Variants in CNTN5 observed in about 807,000 individuals in gnomAD.
CNTN5 encodes contactin 5.
A neutral mutation model predicts 129.1 loss-of-function variants in CNTN5; 77 were observed. The observed-to-expected ratio is 0.60, with a 90% CI of 0.50 to 0.72. The LOEUF is 0.72. Ranked by LOEUF, CNTN5 falls within the 30% of genes least tolerant of loss-of-function variation. CNTN5 has a pLI of 0.00. For missense variants in CNTN5, 1,478 were observed against 1,328.8 expected (o/e 1.11, Z -1.75); for synonymous variants, 509 against 465.6 (o/e 1.09, Z -1.20).
chr11:100,077,181 T>A (rs1483105182), intron 13 of CNTN5, among the ~76,000 whole-genome samples: 2 of 152,190 alleles, frequency 1.3e-5, no homozygotes, highest in Non-Finnish European at 2.9e-5. Context: ...AATATAAATT[T>A]AAATGGAAAC....
chr11:100,285,307 C>A (rs1044226567), intron 18 of CNTN5, among the ~76,000 whole-genome samples: 3 of 152,188 alleles, frequency 2.0e-5, no homozygotes, highest in Non-Finnish European at 4.4e-5. Context: ...CTGCAGTCAA[C>A]TTCCCAAGAT....
chr11:99,455,904 C>G (rs947839595), intron 2 of CNTN5, among the ~76,000 whole-genome samples: 1 of 152,102 alleles, frequency 6.6e-6, no homozygotes, highest in South Asian at 2.1e-4. Context: ...AGCATCTTTT[C>G]AAGCCCAGTA....
intron 2 of CNTN5, among the ~76,000 whole-genome samples, chr11:99,344,744 C>T (rs1364335139): frequency 6.6e-6 from 1 of 152,148 alleles, no homozygotes; most frequent in African/African-American, 2.4e-5. Context: ...TGGTGATCTG[C>T]ACAGACAAGG....
At chr11:99,062,350 G>A (rs1275772961) in intron 1 of CNTN5, among the ~76,000 whole-genome samples, 9 of 152,082 alleles carry the variant, frequency 5.9e-5, no homozygotes, top group Admixed American at 1.3e-4. Flanking sequence ...TAGATATAGC[G>A]GCCTACCTGG....
At chr11:99,969,999 G>A (rs1160292424) in intron 8 of CNTN5, among the ~76,000 whole-genome samples, 2 of 152,060 alleles carry the variant, frequency 1.3e-5, no homozygotes, top group Non-Finnish European at 2.9e-5. Flanking sequence ...TGACATTTGT[G>A]CTATTAATTA....
At chr11:99,553,583 T>C (rs1281938579) in intron 2 of CNTN5, among the ~76,000 whole-genome samples, 1 of 152,064 alleles carries the variant, frequency 6.6e-6, no homozygotes, top group East Asian at 1.9e-4. Flanking sequence ...TTCAGTATTA[T>C]GTATTTTAAA....
intron 18 of CNTN5, among the ~76,000 whole-genome samples, chr11:100,273,611 A>G (rs567073639): frequency 3.9e-5 from 6 of 152,098 alleles, no homozygotes; most frequent in African/African-American, 1.2e-4. Context: ...CCCAGCCAAC[A>G]CCACCTCCAG....
chr11:100,344,783 A>C (rs1952243135), intron 23 of CNTN5, among the ~76,000 whole-genome samples: 1 of 152,254 alleles, frequency 6.6e-6, no homozygotes, highest in East Asian at 1.9e-4. Context: ...TGTATCAATA[A>C]AAAATTTAAA....
intron 1 of CNTN5, among the ~76,000 whole-genome samples, chr11:99,165,682 C>T (rs1221863080): frequency 1.3e-5 from 2 of 152,084 alleles, no homozygotes; most frequent in Non-Finnish European, 2.9e-5. Context: ...TTATAGAATG[C>T]AGGGTTTTTG....
intron 1 of CNTN5, among the ~76,000 whole-genome samples, chr11:99,114,753 A>T (rs1857963580): frequency 6.6e-6 from 1 of 152,198 alleles, no homozygotes; most frequent in African/African-American, 2.4e-5. Flanking sequence ...TCTGTCAAGC[A>T]TCTTCTGTGT....
chr11:99,587,174 A>G (rs1352268095), intron 3 of CNTN5, among the ~76,000 whole-genome samples: 2 of 152,212 alleles, frequency 1.3e-5, no homozygotes, highest in African/African-American at 4.8e-5. Context: ...CAGTATGGGT[A>G]ATCCGCTGGA....
chr11:100,001,318 C>T (rs980830592), intron 8 of CNTN5, among the ~76,000 whole-genome samples: 2 of 152,234 alleles, frequency 1.3e-5, no homozygotes, highest in Admixed American at 6.5e-5. Flanking sequence ...CTCTTACTAT[C>T]ACGAGAACAG....
chr11:99,267,832 C>A (rs1394228699), intron 1 of CNTN5, among the ~76,000 whole-genome samples: 1 of 151,614 alleles, frequency 6.6e-6, no homozygotes, highest in Admixed American at 6.6e-5. Flanking sequence ...TATTTCTCTT[C>A]TATCACTTAT....
chr11:99,160,385 G>A (rs552611622), intron 1 of CNTN5, among the ~76,000 whole-genome samples: 1 of 152,262 alleles, frequency 6.6e-6, no homozygotes, highest in African/African-American at 2.4e-5. Flanking sequence ...AAGGACATAA[G>A]CTATATGTGG....
At chr11:100,050,761 T>C (rs1942915578) in intron 9 of CNTN5, among the ~76,000 whole-genome samples, 4 of 152,110 alleles carry the variant, frequency 2.6e-5, no homozygotes, top group Non-Finnish European at 4.4e-5. Context: ...ACGTGTACCA[T>C]GCAAATACTC....
intron 1 of CNTN5, among the ~76,000 whole-genome samples, chr11:99,254,114 G>A (rs920668893): frequency 1.3e-5 from 2 of 151,626 alleles, no homozygotes; most frequent in Non-Finnish European, 2.9e-5. Flanking sequence ...GTTACCAATG[G>A]TAATATTAAA....
At chr11:99,608,381 A>G (rs567923068) in intron 3 of CNTN5, among the ~76,000 whole-genome samples, 3 of 152,266 alleles carry the variant, frequency 2.0e-5, no homozygotes, top group South Asian at 4.1e-4. Context: ...AGGGCAATGC[A>G]TGGGTTGAAT....
chr11:99,638,006 A>G (rs1951629762), intron 3 of CNTN5, among the ~76,000 whole-genome samples: 1 of 152,142 alleles, frequency 6.6e-6, no homozygotes, highest in African/African-American at 2.4e-5. Flanking sequence ...GGTGGACCAC[A>G]TATGTAACAG....
chr11:100,070,166 A>C (rs1943857165), intron 10 of CNTN5, among the ~76,000 whole-genome samples: 1 of 52,468 alleles, frequency 1.9e-5, no homozygotes, highest in Non-Finnish European at 3.8e-5. Flanking sequence ...CTTAAAGTCC[A>C]AAAAAAAAAA....
Sources: gnomAD v4.1 joint callset for allele counts (sites outside exome capture counted in the v4.1 genomes callset) on GRCh38, gnomAD v4.1.1 for gene constraint, MANE v1.5 for transcripts, NCBI Gene and HGNC (gene_info 2026-07-23, HGNC 2026-07-21) for gene names.